Variants in R3HDM2 observed in about 807,000 individuals in gnomAD.
R3HDM2 encodes the protein R3H domain containing 2.
R3HDM2 carries 38 observed loss-of-function variants against 124.5 expected under a neutral mutation model. The observed-to-expected ratio is 0.31, with a 90% confidence interval of 0.24 to 0.40. The LOEUF (loss-of-function observed/expected upper bound fraction) is 0.40, where lower values mean the gene tolerates loss of function less well. R3HDM2 is among the 10% of genes least tolerant of loss of function. R3HDM2 has a pLI of 1.00. For synonymous variants in R3HDM2, 391 were observed against 448.0 expected (o/e 0.87, Z 1.61); for missense variants, 869 against 1,236.9 (o/e 0.70, Z 4.46).
chr12:57,354,929 A>T (rs1174159449), intron 2 of R3HDM2, among the ~76,000 whole-genome samples: 1 of 151,728 alleles, frequency 6.6e-6, no homozygotes, highest in African/African-American at 2.4e-5. Flanking sequence ...GACTCAAGCG[A>T]TTCTCCCACC....
intron 2 of R3HDM2, among the ~76,000 whole-genome samples, chr12:57,346,984 C>T (rs1354522227): frequency 1.3e-5 from 2 of 152,208 alleles, no homozygotes; most frequent in East Asian, 1.9e-4. Flanking sequence ...GTGGCTCACA[C>T]CTGTAATCCC....
At chr12:57,341,871 C>T (rs533692291) in intron 2 of R3HDM2, among the ~76,000 whole-genome samples, 2 of 152,292 alleles carry the variant, frequency 1.3e-5, no homozygotes, top group Admixed American at 6.5e-5. Context: ...CACCACTGTT[C>T]TCATAAGCTG....
chr12:57,325,466 C>G (rs1269425365), intron 2 of R3HDM2, among the ~76,000 whole-genome samples: 3 of 152,124 alleles, frequency 2.0e-5, no homozygotes, highest in African/African-American at 7.2e-5. Context: ...CCATTTGGAC[C>G]CTGAGATGAT....
intron 1 of R3HDM2, among the ~76,000 whole-genome samples, chr12:57,419,144 CTTTTT>C (rs923524630): frequency 7.2e-6 from 1 of 139,282 alleles, no homozygotes. Flanking sequence ...TTCTCCTTTC[CTTTTT>C]TTTTTTTTTT....
intron 2 of R3HDM2, among the ~76,000 whole-genome samples, chr12:57,312,949 A>T (rs2054226796): frequency 6.6e-6 from 1 of 151,568 alleles, no homozygotes; most frequent in Non-Finnish European, 1.5e-5. Flanking sequence ...AAAAAAAAAA[A>T]AAGTCATATA....
chr12:57,405,672 T>C (rs750017441), intron 1 of R3HDM2, among the ~76,000 whole-genome samples: 133 of 152,242 alleles, frequency 8.7e-4, no homozygotes, highest in East Asian at 1.7e-3. Context: ...AAATGTTGAA[T>C]TGGAAATACT....
At position 57,282,439 on chromosome 12, in the gene R3HDM2, G is replaced by A. The variant is rs193156331; in HGVS notation, c.1171+1385C>T. ...ACTATTCAGGTGAGGATGCAGAAAC[G>A]AACATTTTTAAAAGACTACTGATGA... On this transcript the variant is annotated intron_variant, in intron 13 of 23. Coordinates refer to ENST00000402412, the MANE Select transcript of R3HDM2 (RefSeq NM_001394031.1). Among the ~76,000 whole-genome samples, 100 of 152,244 alleles carry A rather than the reference G, an allele frequency of 6.6e-4. 1 individual carries two copies. Among genetic ancestry groups the A allele is most frequent in the African/African-American group, 2.4e-3 (98 of 41,562 alleles).
chr12:57,295,036 CCTAA>C (rs2049449215), intron 10 of R3HDM2, among the ~76,000 whole-genome samples: 1 of 152,068 alleles, frequency 6.6e-6, no homozygotes, highest in African/African-American at 2.4e-5. Context: ...CAAAGAAATC[CCTAA>C]CTATTAAAGG....
intron 19 of R3HDM2, among the ~76,000 whole-genome samples, chr12:57,260,028 C>T (rs1022658895): frequency 6.6e-6 from 1 of 151,786 alleles, no homozygotes; most frequent in Admixed American, 6.6e-5. Flanking sequence ...CTTTGGGAAG[C>T]CGAGGCAGGT....
intron 2 of R3HDM2, among the ~76,000 whole-genome samples, chr12:57,363,294 A>G (rs1314755038): frequency 2.0e-5 from 3 of 152,124 alleles, no homozygotes; most frequent in Non-Finnish European, 4.4e-5. Flanking sequence ...ATACCATACA[A>G]TTCACCCATT....
At chr12:57,426,847 C>T (rs1474268602) in intron 1 of R3HDM2, among the ~76,000 whole-genome samples, 1 of 152,142 alleles carries the variant, frequency 6.6e-6, no homozygotes, top group African/African-American at 2.4e-5. Flanking sequence ...GAAAACCCAT[C>T]CCACCCTTCC....
chr12:57,287,394 G>T (rs761428347), intron 12 of R3HDM2, among the ~76,000 whole-genome samples: 5 of 152,122 alleles, frequency 3.3e-5, no homozygotes, highest in Non-Finnish European at 7.4e-5. Context: ...TTTTAATGCA[G>T]GGGACTCTAT....
chr12:57,392,906 G>A (rs996815286), intron 2 of R3HDM2, among the ~76,000 whole-genome samples: 3 of 149,344 alleles, frequency 2.0e-5, no homozygotes, highest in Admixed American at 6.8e-5. Flanking sequence ...CTGGGTTCAC[G>A]CCATTCTCCT....
intron 1 of R3HDM2, among the ~76,000 whole-genome samples, chr12:57,416,581 G>A (rs538672368): frequency 3.9e-5 from 6 of 152,278 alleles, no homozygotes; most frequent in African/African-American, 1.4e-4. Context: ...AGGATGAGAA[G>A]GGCTGATTCA....
At position 57,296,512 on chromosome 12, in the gene R3HDM2, G is replaced by A; in HGVS notation, c.600C>T (p.His200=). Residue 200 remains histidine (H), a synonymous_variant, in exon 9 of 24, where the codon CAC becomes CAT. Coordinates refer to ENST00000402412, the MANE Select transcript of R3HDM2 (RefSeq NM_001394031.1). The surrounding 1 kb of genome is among the most constrained non-coding windows in gnomAD (Gnocchi z 4.5). ...FKKFPQMTSY[H]RMLLHRVAAY... ...CAGCTACCCGGTGTAATAGCATCCGGTGATATGAGGTCATCTGAGGGAACT... is the reference window on the plus strand; with the variant it reads ...CAGCTACCCGGTGTAATAGCATCCGATGATATGAGGTCATCTGAGGGAACT... 1.3e-6 allele frequency: 2 copies of A among 1,551,962 alleles called. No homozygotes were observed. The highest frequency in any genetic ancestry group is 1.7e-6 in the Non-Finnish European group (2 of 1,147,006).
intron 2 of R3HDM2, among the ~76,000 whole-genome samples, chr12:57,374,479 C>T (rs538819452): frequency 2.0e-5 from 3 of 148,404 alleles, no homozygotes; most frequent in East Asian, 2.0e-4. Flanking sequence ...GTCAGGAGTT[C>T]GAGACCAGCC....
At chr12:57,264,429 A>G (rs1407616243) in intron 19 of R3HDM2, among the ~76,000 whole-genome samples, 2 of 146,966 alleles carry the variant, frequency 1.4e-5, no homozygotes, top group African/African-American at 2.5e-5. Flanking sequence ...AAAATTAGCC[A>G]GGCATGGTGG....
intron 2 of R3HDM2, among the ~76,000 whole-genome samples, chr12:57,329,189 C>T (rs1265200489): frequency 6.6e-6 from 1 of 151,962 alleles, no homozygotes. Context: ...TAAGGGTATA[C>T]CACCCTTGTA....
At chr12:57,414,134 C>T (rs1215399421) in intron 1 of R3HDM2, among the ~76,000 whole-genome samples, 1 of 151,018 alleles carries the variant, frequency 6.6e-6, no homozygotes, top group Non-Finnish European at 1.5e-5. Flanking sequence ...CAGGCGTGAG[C>T]CACCTTGCCC....
Sources: gnomAD v4.1 joint callset for allele counts (sites outside exome capture counted in the v4.1 genomes callset) on GRCh38, gnomAD v4.1.1 for gene constraint, Gnocchi (gnomAD v3.1) non-coding constraint, MANE v1.5 for transcripts, NCBI Gene and HGNC (gene_info 2026-07-23, HGNC 2026-07-21) for gene names.